The following MGST1 variants were observed in gnomAD, a reference collection of about 807,000 sequenced individuals.
The protein encoded by MGST1 is microsomal glutathione S-transferase 1.
MGST1 carries 5 observed loss-of-function variants against 8.9 expected under a neutral mutation model. The ratio of observed to expected loss-of-function variants is 0.56; its 90% CI spans 0.29 to 1.19. The LOEUF (loss-of-function observed/expected upper bound fraction) is 1.19. Ranked by LOEUF, MGST1 falls within the 50% of genes most tolerant of loss-of-function variation. The probability of loss-of-function intolerance (pLI) is 0.08; values close to 1 mark genes in which losing one functional copy is unlikely to be tolerated. For synonymous variants in MGST1, 54 were observed against 67.8 expected, an observed-to-expected ratio of 0.80 and a Z score of 1.00; for missense variants, 182 against 187.4, an observed-to-expected ratio of 0.97 and a Z score of 0.17.
chr12:16,395,019 A>AT (rs980613811), intron 1 of MGST1, among the ~76,000 whole-genome samples: 1 of 151,942 alleles, frequency 6.6e-6, no homozygotes, highest in Non-Finnish European at 1.5e-5. Context: ...ATGCTTTACA[A>AT]TTTTTTTGAT....
intron 4 of MGST1, among the ~76,000 whole-genome samples, chr12:16,478,843 G>A (rs972966384): frequency 6.6e-6 from 1 of 152,114 alleles, no homozygotes; most frequent in Admixed American, 6.6e-5. Context: ...AAAGTCATGT[G>A]AAATTGAACA....
At chr12:16,380,243 A>G (rs1456712231), downstream of MGST1, among the ~76,000 whole-genome samples, 1 of 151,616 alleles carries the variant, frequency 6.6e-6, no homozygotes, top group Non-Finnish European at 1.5e-5. Context: ...TAGGGTGTCA[A>G]TTTTAGGTCT....
chr12:16,378,854 G>A (rs1940420645), downstream of MGST1, among the ~76,000 whole-genome samples: 1 of 151,648 alleles, frequency 6.6e-6, no homozygotes, highest in African/African-American at 2.4e-5. Context: ...CCTTGAAGAG[G>A]TCCTTCACAT....
At chr12:16,511,279 T>G (rs772859381) in intron 4 of MGST1, among the ~76,000 whole-genome samples, 14 of 152,266 alleles carry the variant, frequency 9.2e-5, no homozygotes, top group Non-Finnish European at 1.5e-5. Context: ...GCCTTGAATT[T>G]GAGTCTAGCT....
chr12:16,469,551 A>G lies in MGST1; in HGVS notation n.482+85947A>G, dbSNP rs16911945. On this transcript the variant is annotated intron_variant and non_coding_transcript_variant, in intron 4 of 4. Transcript: ENST00000538857. The stretch of plus-strand genomic sequence containing the variant: ...ACAGATCCACTGGTTGTCTTCTACT[A>G]TGATTGTGATAATCTGAGAAGCAGT... Among the ~76,000 whole-genome samples the G allele has an allele frequency of 9.1e-3, 1,393 of 152,264 alleles. 76 individuals are homozygous for G. The East Asian group carries it at 0.17, about 19-fold the overall frequency.
At chr12:16,489,519 T>G (rs987655313) in intron 4 of MGST1, among the ~76,000 whole-genome samples, 5 of 152,200 alleles carry the variant, frequency 3.3e-5, no homozygotes, top group African/African-American at 1.2e-4. Flanking sequence ...CATCACTGTT[T>G]TGGATTTCTA....
At chr12:16,368,619 T>C (rs1322015008), downstream of MGST1, among the ~76,000 whole-genome samples, 5 of 152,146 alleles carry the variant, frequency 3.3e-5, no homozygotes, top group East Asian at 1.9e-4. Context: ...CAAAGGCAGA[T>C]TACTGGGAAG....
rs71054812 is a variant in MGST1 at position 16,391,139 on chromosome 12, CTT to C, written n.778+7548_778+7549del. ...AAATGTCTATGTCCTTTGCCCACTTCTTTTTTTTTTTTTTCAATTTTACTTCA... is the reference window on the plus strand; with the variant it reads ...AAATGTCTATGTCCTTTGCCCACTTCTTTTTTTTTTTTCAATTTTACTTCA... On this transcript the variant is annotated intron_variant and non_coding_transcript_variant, in intron 1 of 1. Coordinates refer to the MGST1 transcript ENST00000359720. Among the ~76,000 whole-genome samples, 286 of 139,046 alleles carry C rather than the reference CTT, an allele frequency of 2.1e-3. 3 individuals carry two copies. In the East Asian group the frequency reaches 0.034, roughly 17 times the overall value. The allele number at this position is 139,046 out of a possible 152,430, so 91.2% of individuals were successfully genotyped here. A position where few individuals can be genotyped will look rare whatever the true frequency, so the allele number is the denominator to read the frequency against.
At chr12:16,519,906 G>A (rs1241334544) in intron 4 of MGST1, among the ~76,000 whole-genome samples, 4 of 152,102 alleles carry the variant, frequency 2.6e-5, no homozygotes, top group African/African-American at 4.8e-5. Flanking sequence ...ATTTGTATAT[G>A]TCTTAATGGA....
chr12:16,495,788 G>T (rs1941466561), intron 4 of MGST1, among the ~76,000 whole-genome samples: 2 of 151,546 alleles, frequency 1.3e-5, no homozygotes, highest in African/African-American at 4.9e-5. Flanking sequence ...ACAGCTTTTA[G>T]AATATACTGT....
chr12:16,504,922 G>A (rs945940728), intron 4 of MGST1, among the ~76,000 whole-genome samples: 10 of 152,056 alleles, frequency 6.6e-5, no homozygotes, highest in South Asian at 6.2e-4. Context: ...AAATCCCACC[G>A]AGGCTGGCTT....
chr12:16,400,848 C>T (rs1035438932), intron 1 of MGST1: 39 of 1,196,610 alleles, frequency 3.3e-5, no homozygotes, highest in Middle Eastern at 1.9e-4. Context: ...ATCTTCATTT[C>T]CCCAATATGT....
At position 16,520,569 on chromosome 12, in the gene MGST1, C is replaced by T. The variant is rs10846375; in HGVS notation, n.483-68959C>T. On this transcript the variant is annotated intron_variant and non_coding_transcript_variant, in intron 4 of 4. Transcript: ENST00000538857. ...AGTAAGAATGGGGAAGATGTGTGAG[C>T]GTGTGGTACGTGGTGTGGGAAACAA... Among the ~76,000 whole-genome samples, 1,459 of 151,984 alleles carry T rather than the reference C, an allele frequency of 9.6e-3. 48 individuals carry two copies. In the East Asian group the frequency reaches 0.14, roughly 14 times the overall value.
At chr12:16,352,960 C>T (rs1047350402) in intron 1 of MGST1, among the ~76,000 whole-genome samples, 6 of 152,012 alleles carry the variant, frequency 3.9e-5, no homozygotes, top group South Asian at 2.1e-4. Context: ...GAGGGTTTTT[C>T]TTGGGCCAGT....
At position 16,587,734 on chromosome 12, in the gene MGST1, G is replaced by C. The variant is rs1283839381; in HGVS notation, n.483-1794G>C. Among the ~76,000 whole-genome samples, 1 of 151,620 alleles carries C rather than the reference G, an allele frequency of 6.6e-6. No individual in the cohort carries two copies. Among genetic ancestry groups the C allele is most frequent in the Non-Finnish European group, 1.5e-5 (1 of 67,736 alleles). On this transcript the variant is annotated intron_variant and non_coding_transcript_variant, in intron 4 of 4. Coordinates refer to the MGST1 transcript ENST00000538857. This position sits in a 1 kb window ranked among gnomAD's most constrained non-coding sequence, Gnocchi z 4.3. ...CAAACAATGATATGTATTACATGCA[G>C]TAAACACTGCCTTTGGTACACAGGG... is the stretch of plus-strand genomic sequence containing the variant.
chr12:16,445,439 C>G (rs140796541), intron 4 of MGST1, among the ~76,000 whole-genome samples: 39 of 152,016 alleles, frequency 2.6e-4, no homozygotes, highest in African/African-American at 8.9e-4. Context: ...ATCTCTTGTT[C>G]ACTTTGCATT....
chr12:16,420,838 T>C (rs1165166983), intron 1 of MGST1, among the ~76,000 whole-genome samples: 2 of 152,286 alleles, frequency 1.3e-5, no homozygotes, highest in Middle Eastern at 3.4e-3. Context: ...TGCCTCAGCA[T>C]CCATTATAGT....
In MGST1 at chr12:16,551,386, T is replaced by C. The variant is rs546537311; in HGVS notation, n.483-38142T>C. On this transcript the variant is annotated intron_variant and non_coding_transcript_variant, in intron 4 of 4. Coordinates refer to the MGST1 transcript ENST00000538857. Reference sequence around the variant, plus strand: ...GACCATTTCACTTGGATCTAGAAATTTGAAGATTTATTTTCCTATTAATAG... The same window carrying C: ...GACCATTTCACTTGGATCTAGAAATCTGAAGATTTATTTTCCTATTAATAG... The C allele has an allele frequency of 8.6e-5, 89 of 1,035,140 alleles. 1 individual carries two copies. The highest frequency in any genetic ancestry group is 3.9e-4 in the Admixed American group (22 of 55,868). 64.1% of individuals were successfully genotyped at this position (1,035,140 alleles called of 1,614,324 possible). A position where few individuals can be genotyped will look rare whatever the true frequency, so the allele number is the denominator to read the frequency against.
At chr12:16,358,213 C>T (rs764759706) in intron 3 of MGST1, among the ~76,000 whole-genome samples, 11 of 152,114 alleles carry the variant, frequency 7.2e-5, no homozygotes, top group African/African-American at 2.4e-4. Flanking sequence ...AGCCAAGATA[C>T]GACTGGGGTA....
Sources: gnomAD v4.1 joint callset for allele counts (sites outside exome capture counted in the v4.1 genomes callset) on GRCh38, gnomAD v4.1.1 for gene constraint, Gnocchi (gnomAD v3.1) non-coding constraint, MANE v1.5 for transcripts, NCBI Gene and HGNC (gene_info 2026-07-23, HGNC 2026-07-21) for gene names.